ACAP2: variants seen among roughly 807,000 people sequenced by gnomAD.
ACAP2 encodes ArfGAP with coiled-coil, ankyrin repeat and PH domains 2, also known as arf-GAP with coiled-coil, ANK repeat and PH domain-containing protein 2.
ACAP2 carries 39 observed loss-of-function variants against 115.8 expected under a neutral mutation model. That is an observed-to-expected ratio of 0.34 (90% CI 0.26 to 0.44). ACAP2 has a LOEUF of 0.44. ACAP2 is among the 20% of genes least tolerant of loss of function. ACAP2 has a pLI of 1.00. For missense variants in ACAP2, 662 were observed against 927.6 expected, an observed-to-expected ratio of 0.71 and a Z score of 3.72; for synonymous variants, 289 against 315.8, an observed-to-expected ratio of 0.92 and a Z score of 0.90.
rs568431520 is a variant in ACAP2, at chr3:195,413,663, C to T, written c.54-21516G>A. On this transcript the variant is annotated intron_variant, in intron 1 of 22. Transcript: ENST00000326793. Reference sequence around the variant, plus strand: ...CTCAGGAGGCTGAGGCACGGAGAATCGCTTGAACCCAGGAGGCGGAGGCTA... The same window carrying T: ...CTCAGGAGGCTGAGGCACGGAGAATTGCTTGAACCCAGGAGGCGGAGGCTA... Among the ~76,000 whole-genome samples, 3 of 152,162 alleles carry T rather than the reference C, an allele frequency of 2.0e-5. No individual in the cohort carries two copies. In the South Asian group the frequency reaches 6.2e-4, roughly 32 times the overall value.
At chr3:195,376,351 G>A (rs1302120688) in intron 4 of ACAP2, among the ~76,000 whole-genome samples, 1 of 151,732 alleles carries the variant, frequency 6.6e-6, no homozygotes, top group Non-Finnish European at 1.5e-5. Flanking sequence ...CCAAGGTCAC[G>A]CACTCCAGCC....
chr3:195,289,103 T>C lies in ACAP2; in HGVS notation c.2174+18A>G. 6.3e-7 allele frequency: 1 copy of C among 1,586,676 alleles called. No homozygotes were observed. The highest frequency in any genetic ancestry group is 8.6e-7 in the Non-Finnish European group (1 of 1,162,964). On this transcript the variant is annotated intron_variant, in intron 21 of 22. Transcript: ENST00000326793. Reference sequence around the variant, plus strand: ...AATTCACTGTATGGAAATAGTCAAGTAAAAAGGAAGTACTTACAAGGTGAC... The same window carrying C: ...AATTCACTGTATGGAAATAGTCAAGCAAAAAGGAAGTACTTACAAGGTGAC...
chr3:195,440,081 A>C (rs775112496), intron 1 of ACAP2, among the ~76,000 whole-genome samples: 1 of 152,222 alleles, frequency 6.6e-6, no homozygotes, highest in African/African-American at 2.4e-5. Context: ...ACTCAAAAAA[A>C]AGTATACTTA....
intron 4 of ACAP2, among the ~76,000 whole-genome samples, chr3:195,368,295 A>AAG: frequency 6.6e-6 from 1 of 152,118 alleles, no homozygotes; most frequent in Non-Finnish European, 1.5e-5. Flanking sequence ...GATTACCGGC[A>AAG]TGCACCACTA....
At chr3:195,306,016 G>C (rs1353812603) in intron 13 of ACAP2, among the ~76,000 whole-genome samples, 1 of 151,916 alleles carries the variant, frequency 6.6e-6, no homozygotes, top group African/African-American at 2.4e-5. Context: ...CATTTCTCAG[G>C]ACCCATTTAC....
At chr3:195,287,962 G>A (rs1012517101) in intron 21 of ACAP2, among the ~76,000 whole-genome samples, 9 of 152,050 alleles carry the variant, frequency 5.9e-5, no homozygotes, top group South Asian at 4.1e-4. Context: ...TTAGCCAGGC[G>A]TGGTGGCGCA....
intron 5 of ACAP2, among the ~76,000 whole-genome samples, chr3:195,344,475 T>C (rs1731068245): frequency 6.6e-6 from 1 of 152,050 alleles, no homozygotes; most frequent in African/African-American, 2.4e-5. Context: ...CTATTTTATT[T>C]CACAAAGAAA....
Position 195,342,456 on chromosome 3 carries a change from T to C in ACAP2, c.528+15A>G, listed in dbSNP as rs544134088. 1 of 1,583,116 alleles carries C rather than the reference T, an allele frequency of 6.3e-7. No homozygotes were observed. The highest frequency in any genetic ancestry group is 8.5e-7 in the Non-Finnish European group (1 of 1,170,752). On this transcript the variant is annotated intron_variant, in intron 6 of 22. Transcript: ENST00000326793. ...AAGCACTGTCTGAAAACATACACAG[T>C]AAGAAACTATATACCTGAAGCACAT...
intron 1 of ACAP2, among the ~76,000 whole-genome samples, chr3:195,397,335 G>C (rs1234314227): frequency 6.6e-6 from 1 of 152,126 alleles, no homozygotes; most frequent in Non-Finnish European, 1.5e-5. Flanking sequence ...GCTGCATCAA[G>C]GATGGCCCAC....
At chr3:195,326,992 T>A (rs1166414556) in intron 8 of ACAP2, 33 bp from the exon 9 acceptor site, 5 of 1,569,330 alleles carry the variant, frequency 3.2e-6, no homozygotes, top group Middle Eastern at 1.7e-4. Flanking sequence ...ACTGCAGACT[T>A]AAAAAAAGTA....
Position 195,374,405 on chromosome 3 carries a change from A to G in ACAP2, c.285+6604T>C, listed in dbSNP as rs1392653953. ...CTCCATCTAAGAAACAAAAAATCCAATTTATCCCAGAAAATATAAGCATTA... is the reference window on the plus strand; with the variant it reads ...CTCCATCTAAGAAACAAAAAATCCAGTTTATCCCAGAAAATATAAGCATTA... On this transcript the variant is annotated intron_variant, in intron 4 of 22. Transcript: ENST00000326793. 2.6e-5 allele frequency among the ~76,000 whole-genome samples: 4 copies of G among 152,176 alleles called. No homozygotes were observed. In the East Asian group the frequency reaches 5.8e-4, roughly 22 times the overall value.
Position 195,292,364 on chromosome 3 carries a change from G to GT in ACAP2, c.1853dup (p.Asn618LysfsTer4), listed in dbSNP as rs1560207190. 6.2e-7 allele frequency: 1 copy of GT among 1,614,034 alleles called. No individual in the cohort carries two copies. Among genetic ancestry groups the GT allele is most frequent in the Non-Finnish European group, 8.5e-7 (1 of 1,179,994 alleles). On this transcript the variant is annotated frameshift_variant, in exon 19 of 23. Coordinates refer to ENST00000326793, the MANE Select transcript of ACAP2 (RefSeq NM_012287.6). LOFTEE classifies it high-confidence loss of function. The stretch of plus-strand genomic sequence containing the variant: ...CCAAAGCCTCAGCCATTTTAGGAAG[G>GT]TTTTTTTCATATGACGCCCTATAAA...
chr3:195,442,934 C>G lies in ACAP2; in HGVS notation c.-87G>C, dbSNP rs1204699953. 14 of 1,264,804 alleles carry G rather than the reference C, an allele frequency of 1.1e-5. No individual in the cohort carries two copies. Among genetic ancestry groups the G allele is most frequent in the Non-Finnish European group, 1.5e-5 (14 of 949,576 alleles). 78.3% of individuals were successfully genotyped at this position (1,264,804 alleles called of 1,614,324 possible). A position where few individuals can be genotyped will look rare whatever the true frequency, so the allele number is the denominator to read the frequency against. On this transcript the variant is annotated 5_prime_UTR_variant, in exon 1 of 23. Transcript: ENST00000326793. ...GGGACGCAGACGGCTACGGCGGGCG[C>G]ACGGCCGCGACTAGCGTTGCGCGGA...
At chr3:195,361,339 G>C (rs934175802) in intron 4 of ACAP2, among the ~76,000 whole-genome samples, 2 of 151,966 alleles carry the variant, frequency 1.3e-5, no homozygotes, top group African/African-American at 4.8e-5. Flanking sequence ...AGGAGGCTGA[G>C]GCATGAAAAT....
chr3:195,324,664 G>C (rs1729658836), intron 9 of ACAP2, among the ~76,000 whole-genome samples: 1 of 152,098 alleles, frequency 6.6e-6, no homozygotes, highest in African/African-American at 2.4e-5. Context: ...TGAGGCAGGA[G>C]AATCACTTAA....
chr3:195,350,703 C>G (rs949883668), intron 4 of ACAP2, among the ~76,000 whole-genome samples: 2 of 151,252 alleles, frequency 1.3e-5, no homozygotes, highest in Non-Finnish European at 2.9e-5. Flanking sequence ...CAGAAATTAC[C>G]CACGCATATG....
Position 195,276,380 on chromosome 3 carries a change from T to C in ACAP2, c.*2948A>G, listed in dbSNP as rs1726186834. ...TAAGGATTGTATTAAAGGTAACTTT[T>C]TAAAACCTTAGAAATCTTAAGCACA... On this transcript the variant is annotated 3_prime_UTR_variant, in exon 23 of 23. Coordinates refer to ENST00000326793, the MANE Select transcript of ACAP2 (RefSeq NM_012287.6). 6.6e-6 allele frequency: 1 copy of C among 152,230 alleles called. No individual in the cohort carries two copies. Among genetic ancestry groups the C allele is most frequent in the Admixed American group, 6.5e-5 (1 of 15,288 alleles). The allele number at this position is 152,230 out of a possible 1,614,324, so 9.4% of individuals were successfully genotyped here. A position where few individuals can be genotyped will look rare whatever the true frequency, so the allele number is the denominator to read the frequency against.
rs546516090 is a variant in ACAP2 at position 195,275,766 on chromosome 3, C to A, written c.*3562G>T. 1 of 152,292 alleles carries A rather than the reference C, an allele frequency of 6.6e-6. No individual in the cohort carries two copies. Among genetic ancestry groups the A allele is most frequent in the Middle Eastern group, 3.4e-3 (1 of 294 alleles). The allele number at this position is 152,292 out of a possible 1,614,324, so 9.4% of individuals were successfully genotyped here. On this transcript the variant is annotated 3_prime_UTR_variant, in exon 23 of 23. Coordinates refer to ENST00000326793, the MANE Select transcript of ACAP2 (RefSeq NM_012287.6). ...TTAGATTAAGATCTCAGAAATCCTA[C>A]CATGAGAATCCAGTGAGATAAAGCA...
At position 195,293,548 on chromosome 3, in the gene ACAP2, T is replaced by C. The variant is rs142329612; in HGVS notation, c.1766-1096A>G. Among the ~76,000 whole-genome samples the C allele has an allele frequency of 4.9e-3, 740 of 152,338 alleles. 5 individuals are homozygous for C. The highest frequency in any genetic ancestry group is 6.9e-3 in the Non-Finnish European group (472 of 68,028). On this transcript the variant is annotated intron_variant, in intron 18 of 22. Coordinates refer to ENST00000326793, the MANE Select transcript of ACAP2 (RefSeq NM_012287.6). ...GCACATACCATTAGGCTTGGAAGAA[T>C]GTACAACTAAGCATCAGGTGTGCTG...
Sources: gnomAD v4.1 joint callset for allele counts (sites outside exome capture counted in the v4.1 genomes callset) on GRCh38, gnomAD v4.1.1 for gene constraint, MANE v1.5 for transcripts, NCBI Gene and HGNC (gene_info 2026-07-23, HGNC 2026-07-21) for gene names.